The following ATP8B1 variants were observed in gnomAD, a reference collection of about 807,000 sequenced individuals.
The protein encoded by ATP8B1 is phospholipid-transporting ATPase IC.
In ATP8B1, 80 loss-of-function variants were observed where a neutral mutation model predicts 149.9. The ratio of observed to expected loss-of-function variants is 0.53; its 90% CI spans 0.45 to 0.64. The LOEUF (loss-of-function observed/expected upper bound fraction) is 0.64, where lower values mean the gene tolerates loss of function less well. ATP8B1 is among the 30% of genes least tolerant of loss of function. The pLI is 0.00. For synonymous variants in ATP8B1, 536 were observed against 562.8 expected (o/e 0.95, Z 0.67); for missense variants, 1,247 against 1,552.6 (o/e 0.80, Z 3.31).
rs114481862 is a variant in ATP8B1 at position 57,802,156 on chromosome 18, G to A, written c.-26+842C>T. On this transcript the variant is annotated intron_variant, in intron 1 of 27. Transcript: ENST00000648908. The surrounding 1 kb of genome is among the most constrained non-coding windows in gnomAD (Gnocchi z 4.9). ...CTTCAGAACTTTTCTTTCACTTTGGGGAGAAGGAGGGAGTTGGAGAAGTGG... is the reference window on the plus strand; with the variant it reads ...CTTCAGAACTTTTCTTTCACTTTGGAGAGAAGGAGGGAGTTGGAGAAGTGG... Among the ~76,000 whole-genome samples the A allele has an allele frequency of 1.1e-3, 171 of 152,094 alleles. No individual in the cohort carries two copies. Among genetic ancestry groups the A allele is most frequent in the African/African-American group, 4.0e-3 (166 of 41,486 alleles).
In ATP8B1 at chr18:57,674,871, C is replaced by T; in HGVS notation, c.1782G>A (p.Leu594=). 1 of 1,614,160 alleles carries T rather than the reference C, an allele frequency of 6.2e-7. No homozygotes were observed. The highest frequency in any genetic ancestry group is 1.1e-5 in the South Asian group (1 of 91,062). ...TTCGCTTCCGGTCACTGTTGAAGTC[C>T]AAAATGGCAAGAACATTGTAAGTCC... ...TERTYNVLAI[L]DFNSDRKRMS... Residue 594 remains leucine (L), a synonymous_variant, in exon 16 of 28, where the codon TTG becomes TTA. Transcript: ENST00000648908.
chr18:57,709,730 A>G (rs1913596534), intron 2 of ATP8B1, among the ~76,000 whole-genome samples: 4 of 149,942 alleles, frequency 2.7e-5, no homozygotes, highest in African/African-American at 9.9e-5. Flanking sequence ...TCCAGGGTGG[A>G]GTGCAGTGGT....
intron 12 of ATP8B1, among the ~76,000 whole-genome samples, chr18:57,689,766 C>A (rs962441834): frequency 6.6e-6 from 1 of 152,204 alleles, no homozygotes; most frequent in Non-Finnish European, 1.5e-5. Flanking sequence ...GCCTGTAATT[C>A]CAACACTTTG....
chr18:57,796,033 G>A (rs1911591156), intron 1 of ATP8B1, among the ~76,000 whole-genome samples: 2 of 152,016 alleles, frequency 1.3e-5, no homozygotes, highest in Non-Finnish European at 2.9e-5. Flanking sequence ...GCCAAGCCTG[G>A]TGGCCATGCC....
Position 57,648,500 on chromosome 18 carries a change from G to T in ATP8B1, c.3744C>A (p.Thr1248=), listed in dbSNP as rs2271771. The change falls in exon 28 of 28, where the codon ACC becomes ACA. Residue 1248 remains threonine, a synonymous_variant. Coordinates refer to ENST00000648908, the MANE Select transcript of ATP8B1 (RefSeq NM_001374385.1). Reference sequence around the variant, plus strand: ...TGGGGGTAAGGGATCAGCTGTCCCCGGTGCGCCTGTACTCCGCGGTGCCAT... The same window carrying T: ...TGGGGGTAAGGGATCAGCTGTCCCCTGTGCGCCTGTACTCCGCGGTGCCAT... The part of the protein sequence containing the change: ...VADGTAEYRR[T]GDS 2,790 of 1,611,248 alleles carry T rather than the reference G, an allele frequency of 1.7e-3. 74 individuals carry two copies. In the East Asian group the frequency reaches 0.05, roughly 29 times the overall value.
chr18:57,694,821 G>C (rs1032556614), intron 10 of ATP8B1, 151 bp from the exon 11 acceptor site: 19 of 691,616 alleles, frequency 2.7e-5, no homozygotes, highest in Middle Eastern at 3.5e-4. Context: ...CCTGAGGTCA[G>C]GGGTTCGAGG....
chr18:57,701,685 CTTAACTTTTTT>C (rs1913133114), intron 4 of ATP8B1, among the ~76,000 whole-genome samples: 1 of 151,434 alleles, frequency 6.6e-6, no homozygotes, highest in African/African-American at 2.4e-5. Context: ...GAAGTCTCGT[CTTAACTTTTTT>C]TTTCTTTTTT....
rs569827606 is a variant in ATP8B1 at position 57,679,395 on chromosome 18, TAAAAACAAACTAA to T, written c.1631-4386_1631-4374del. 7.4e-4 allele frequency among the ~76,000 whole-genome samples: 112 copies of T among 152,114 alleles called. 1 individual carries two copies. The South Asian group carries it at 9.3e-3, about 13-fold the overall frequency. On this transcript the variant is annotated intron_variant, in intron 15 of 27. Transcript: ENST00000648908. ...GAACCTAAAATAAAAATTGAAGGTG[TAAAAACAAACTAA>T]AAAAACAAACAAAAACAAAGCAACC...
intron 1 of ATP8B1, among the ~76,000 whole-genome samples, chr18:57,777,040 G>C (rs896314859): frequency 1.3e-5 from 2 of 150,484 alleles, no homozygotes; most frequent in Non-Finnish European, 1.5e-5. Flanking sequence ...ACGGTGGTGT[G>C]ATCACAGCTC....
In ATP8B1 at chr18:57,648,319, G is replaced by C; in HGVS notation, c.*169C>G. 1 of 837,384 alleles carries C rather than the reference G, an allele frequency of 1.2e-6. No individual in the cohort carries two copies. The allele number at this position is 837,384 out of a possible 1,614,324, so 51.9% of individuals were successfully genotyped here. A position where few individuals can be genotyped will look rare whatever the true frequency, so the allele number is the denominator to read the frequency against. ...GGACTTTTAAAAGTCCTATTTCTTG[G>C]CTCTGCTATTGTTTAATAGTCCAAC... On this transcript the variant is annotated 3_prime_UTR_variant, in exon 28 of 28. Transcript: ENST00000648908.
intron 8 of ATP8B1, among the ~76,000 whole-genome samples, chr18:57,695,743 T>G (rs1912776028): frequency 6.6e-6 from 1 of 152,228 alleles, no homozygotes; most frequent in Non-Finnish European, 1.5e-5. Context: ...AAATGTTGGT[T>G]CCCTTCACTG....
chr18:57,690,588 C>T (rs927401319), intron 12 of ATP8B1, among the ~76,000 whole-genome samples: 2 of 152,224 alleles, frequency 1.3e-5, no homozygotes, highest in African/African-American at 4.8e-5. Flanking sequence ...ACACTCAACT[C>T]GGTTTTTCTC....
intron 1 of ATP8B1, among the ~76,000 whole-genome samples, chr18:57,790,411 A>G (rs2080452909): frequency 6.6e-6 from 1 of 151,564 alleles, no homozygotes; most frequent in African/African-American, 2.4e-5. Context: ...TAAAAATGTT[A>G]GTGACTTCCT....
At chr18:57,681,222 G>A (rs1411277128) in intron 15 of ATP8B1, among the ~76,000 whole-genome samples, 5 of 152,098 alleles carry the variant, frequency 3.3e-5, no homozygotes, top group African/African-American at 1.2e-4. Context: ...GGCAGGGAAT[G>A]AGGACAGTCT....
At chr18:57,756,240 T>C (rs1420769599) in intron 1 of ATP8B1, among the ~76,000 whole-genome samples, 2 of 118,906 alleles carry the variant, frequency 1.7e-5, no homozygotes, top group East Asian at 2.3e-4. Context: ...CACACACATA[T>C]ATACACACAC....
chr18:57,753,273 T>G (rs1048259233), intron 1 of ATP8B1, among the ~76,000 whole-genome samples: 2 of 152,148 alleles, frequency 1.3e-5, no homozygotes, highest in African/African-American at 4.8e-5. Context: ...CAAAACCAGG[T>G]TGAATGAAAA....
chr18:57,657,290 AAAGTCACAAT>A (rs1345236177), intron 22 of ATP8B1, among the ~76,000 whole-genome samples: 4 of 152,152 alleles, frequency 2.6e-5, no homozygotes, highest in Admixed American at 6.6e-5. Context: ...ATATAAAATT[AAAGTCACAAT>A]TTTATTTATG....
At chr18:57,778,277 G>A (rs2080326595) in intron 1 of ATP8B1, among the ~76,000 whole-genome samples, 1 of 147,984 alleles carries the variant, frequency 6.8e-6, no homozygotes, top group South Asian at 2.1e-4. Context: ...CCAGGCTGGA[G>A]TGCAGTGGTG....
intron 1 of ATP8B1, chr18:57,755,348 T>C (rs1311546130): frequency 8.1e-6 from 1 of 123,872 alleles, no homozygotes; most frequent in African/African-American, 3.3e-5. Flanking sequence ...ACACTGAATC[T>C]CTTAATTTTT....
Sources: gnomAD v4.1 joint callset for allele counts (sites outside exome capture counted in the v4.1 genomes callset) on GRCh38, gnomAD v4.1.1 for gene constraint, Gnocchi (gnomAD v3.1) non-coding constraint, MANE v1.5 for transcripts, NCBI Gene and HGNC (gene_info 2026-07-23, HGNC 2026-07-21) for gene names.